The following CHST11 variants were observed in gnomAD, a reference collection of about 807,000 sequenced individuals.
CHST11 encodes carbohydrate sulfotransferase 11, also known as C4S-1.
CHST11 carries 9 observed loss-of-function variants against 30.4 expected under a neutral mutation model. That is an observed-to-expected ratio of 0.30 (90% CI 0.18 to 0.52). CHST11 has a LOEUF of 0.52. Ranked by LOEUF, CHST11 falls within the 20% of genes least tolerant of loss-of-function variation. CHST11 has a pLI of 0.97. For missense variants in CHST11, 348 were observed against 460.6 expected, an observed-to-expected ratio of 0.76 and a Z score of 2.24; for synonymous variants, 152 against 187.8, an observed-to-expected ratio of 0.81 and a Z score of 1.56.
chr12:104,592,364 A>T (rs1343183467), intron 1 of CHST11, among the ~76,000 whole-genome samples: 1 of 152,164 alleles, frequency 6.6e-6, no homozygotes, highest in Non-Finnish European at 1.5e-5. Context: ...AGACCAAAGC[A>T]TTGGCAGATT....
intron 1 of CHST11, among the ~76,000 whole-genome samples, chr12:104,515,598 C>T (rs546217298): frequency 6.6e-6 from 1 of 152,284 alleles, no homozygotes; most frequent in South Asian, 2.1e-4. Flanking sequence ...AAGGAAAATG[C>T]AGTGACACAG....
chr12:104,470,386 C>T (rs948914276), intron 1 of CHST11, among the ~76,000 whole-genome samples: 5 of 152,122 alleles, frequency 3.3e-5, no homozygotes. Flanking sequence ...AAATACCAGA[C>T]ACTGATAAAG....
At chr12:104,607,830 G>A (rs950204494) in intron 2 of CHST11, among the ~76,000 whole-genome samples, 1 of 152,124 alleles carries the variant, frequency 6.6e-6, no homozygotes, top group Non-Finnish European at 1.5e-5. Flanking sequence ...CAGGGTTGGA[G>A]GTCACGAGGA....
chr12:104,745,419 G>A (rs776943544), intron 2 of CHST11, among the ~76,000 whole-genome samples: 5 of 152,080 alleles, frequency 3.3e-5, no homozygotes, highest in Non-Finnish European at 5.9e-5. Flanking sequence ...TTGGCTATTC[G>A]GGCTCTTTTT....
chr12:104,744,679 G>A (rs566078395), intron 2 of CHST11, among the ~76,000 whole-genome samples: 13 of 152,100 alleles, frequency 8.5e-5, no homozygotes, highest in African/African-American at 2.2e-4. Flanking sequence ...GTCTTTTCCC[G>A]TGTGTATGTC....
intron 2 of CHST11, among the ~76,000 whole-genome samples, chr12:104,699,309 A>G (rs2039972855): frequency 1.3e-5 from 2 of 152,274 alleles, no homozygotes; most frequent in South Asian, 2.1e-4. Context: ...GAGATGTGCC[A>G]TAAGTATAAA....
chr12:104,659,764 G>A (rs1032828075), intron 2 of CHST11, among the ~76,000 whole-genome samples: 1 of 151,860 alleles, frequency 6.6e-6, no homozygotes, highest in Admixed American at 6.6e-5. Context: ...CCAGAAGTTC[G>A]AGACCAGCCT....
At position 104,632,365 on chromosome 12, in the gene CHST11, C is replaced by T. The variant is rs186759886; in HGVS notation, c.204+30374C>T. Reference sequence around the variant, plus strand: ...AATTTGAAAAGTCCAAGTTCCTGCCCCCAGGTGGTTCACAAGAGATGCGTA... The same window carrying T: ...AATTTGAAAAGTCCAAGTTCCTGCCTCCAGGTGGTTCACAAGAGATGCGTA... On this transcript the variant is annotated intron_variant, in intron 2 of 2. Transcript: ENST00000303694. 2.0e-5 allele frequency among the ~76,000 whole-genome samples: 3 copies of T among 152,208 alleles called. No individual in the cohort carries two copies. In the East Asian group the frequency reaches 5.8e-4, roughly 29 times the overall value.
chr12:104,488,601 GTA>G (rs1330649563), intron 1 of CHST11, among the ~76,000 whole-genome samples: 3 of 149,302 alleles, frequency 2.0e-5, no homozygotes, highest in African/African-American at 4.9e-5. Context: ...GTATGTATGC[GTA>G]TGTGTGTATG....
At chr12:104,679,169 C>G (rs2039769817) in intron 2 of CHST11, among the ~76,000 whole-genome samples, 3 of 152,156 alleles carry the variant, frequency 2.0e-5, no homozygotes, top group Non-Finnish European at 2.9e-5. Context: ...AGATTCAGTC[C>G]AAGGTCACCT....
intron 2 of CHST11, among the ~76,000 whole-genome samples, chr12:104,654,750 G>A (rs920884857): frequency 1.3e-5 from 2 of 152,130 alleles, no homozygotes; most frequent in African/African-American, 4.8e-5. Context: ...AAGGTCACAC[G>A]CAGACAGACG....
chr12:104,722,155 AGTGTGTGTGTGTGTGTGTGT>A (rs57545833), intron 2 of CHST11, among the ~76,000 whole-genome samples: 1 of 137,482 alleles, frequency 7.3e-6, no homozygotes, highest in South Asian at 2.4e-4. Flanking sequence ...CACTCAGCTA[AGTGTGTGTGTGTGTGTGTGT>A]GTGTGTGTGT....
intron 1 of CHST11, among the ~76,000 whole-genome samples, chr12:104,532,880 AG>A (rs1423667713): frequency 6.6e-6 from 1 of 152,020 alleles, no homozygotes; most frequent in East Asian, 1.9e-4. Context: ...TCATGCTATG[AG>A]GGACTTCCCT....
intron 1 of CHST11, among the ~76,000 whole-genome samples, chr12:104,477,205 C>G (rs541612319): frequency 6.6e-6 from 1 of 152,272 alleles, no homozygotes; most frequent in Non-Finnish European, 1.5e-5. Context: ...GTACCCATTA[C>G]AGGTGTTAAA....
intron 1 of CHST11, among the ~76,000 whole-genome samples, chr12:104,465,259 C>T (rs1021832327): frequency 5.9e-5 from 9 of 152,218 alleles, no homozygotes; most frequent in African/African-American, 1.9e-4. Flanking sequence ...GGCATGCAGT[C>T]TGTCCAAGTC....
intron 1 of CHST11, among the ~76,000 whole-genome samples, chr12:104,578,759 T>A (rs1481860497): frequency 3.3e-5 from 5 of 152,170 alleles, no homozygotes; most frequent in African/African-American, 1.2e-4. Flanking sequence ...GCCAACAGTG[T>A]TAATTGGAGA....
At chr12:104,653,991 G>A (rs1566024311) in intron 2 of CHST11, among the ~76,000 whole-genome samples, 1 of 152,166 alleles carries the variant, frequency 6.6e-6, no homozygotes, top group Non-Finnish European at 1.5e-5. Context: ...CCATGGTCTC[G>A]AGCAAGCCGT....
Position 104,756,532 on chromosome 12 carries a change from G to GGGGGGTGTGTGT in CHST11, c.205-416_205-415insGGGGTGTGTGTG, listed in dbSNP as rs1555250374. On this transcript the variant is annotated intron_variant, in intron 2 of 2. Transcript: ENST00000303694. ...CATCATGAGGTCTGGATCCATGTGG[G>GGGGGGTGTGTGT]GTGTGTGTGTGTGTGTGTGTGTGTG... Among the ~76,000 whole-genome samples the GGGGGGTGTGTGT allele has an allele frequency of 1.1e-4, 16 of 143,398 alleles. 1 individual carries two copies. The highest frequency in any genetic ancestry group is 7.7e-4 in the Admixed American group (11 of 14,348). 94.1% of individuals were successfully genotyped at this position (143,398 alleles called of 152,430 possible).
intron 1 of CHST11, among the ~76,000 whole-genome samples, chr12:104,538,634 C>T (rs1246434313): frequency 6.6e-6 from 1 of 152,168 alleles, no homozygotes; most frequent in Non-Finnish European, 1.5e-5. Flanking sequence ...TCATTTCTTT[C>T]CTCCACCAGA....
Sources: gnomAD v4.1 joint callset for allele counts (sites outside exome capture counted in the v4.1 genomes callset) on GRCh38, gnomAD v4.1.1 for gene constraint, MANE v1.5 for transcripts, NCBI Gene and HGNC (gene_info 2026-07-23, HGNC 2026-07-21) for gene names.